Variants in KCNJ6 observed in about 807,000 individuals in gnomAD.
KCNJ6 encodes potassium inwardly rectifying channel subfamily J member 6, also known as G protein-activated inward rectifier potassium channel 2.
Under a neutral mutation model 34.2 loss-of-function variants are expected in KCNJ6, and 9 were observed. The observed-to-expected ratio is 0.26, with a 90% confidence interval of 0.16 to 0.46. KCNJ6 has a LOEUF of 0.46. Among genes scored for constraint, KCNJ6 ranks in the 20% least tolerant of loss-of-function variants. The pLI, the probability that KCNJ6 is intolerant of heterozygous loss-of-function variation, is 1.00. For missense variants in KCNJ6, 236 were observed against 531.3 expected (o/e 0.44, Z 5.46); for synonymous variants, 196 against 207.1 (o/e 0.95, Z 0.46).
intron 3 of KCNJ6, among the ~76,000 whole-genome samples, chr21:37,671,357 T>G (rs2054541465): frequency 6.6e-6 from 1 of 152,230 alleles, no homozygotes; most frequent in African/African-American, 2.4e-5. Flanking sequence ...AACACATGGA[T>G]GTTCCTGGAA....
chr21:37,773,346 C>T (rs1055448411), intron 2 of KCNJ6, among the ~76,000 whole-genome samples: 1 of 152,186 alleles, frequency 6.6e-6, no homozygotes, highest in African/African-American at 2.4e-5. Flanking sequence ...ACTTCCTTGT[C>T]TTCATTTTCA....
intron 2 of KCNJ6, among the ~76,000 whole-genome samples, chr21:37,788,855 G>A (rs2835961): frequency 0.5 from 75,430 of 151,956 alleles, 19,133 homozygotes; most frequent in Middle Eastern, 0.55. Context: ...TGACTATTGA[G>A]TGACTCATTT....
chr21:37,782,363 C>A (rs983273441), intron 2 of KCNJ6, among the ~76,000 whole-genome samples: 2 of 152,202 alleles, frequency 1.3e-5, no homozygotes, highest in African/African-American at 4.8e-5. Context: ...TTTGTTATAG[C>A]ATCAGCAGGA....
chr21:37,722,618 T>A (rs1033177174), intron 2 of KCNJ6, among the ~76,000 whole-genome samples: 1 of 152,054 alleles, frequency 6.6e-6, no homozygotes, highest in African/African-American at 2.4e-5. Flanking sequence ...AACAGAGAAC[T>A]CAGCAATAAA....
At chr21:37,867,838 G>A (rs2055630675) in intron 1 of KCNJ6, among the ~76,000 whole-genome samples, 1 of 152,226 alleles carries the variant, frequency 6.6e-6, no homozygotes, top group African/African-American at 2.4e-5. Context: ...CCAAGGTCAT[G>A]ATCTCTGAGA....
At chr21:37,750,054 G>A (rs1008637396) in intron 2 of KCNJ6, among the ~76,000 whole-genome samples, 6 of 152,186 alleles carry the variant, frequency 3.9e-5, no homozygotes, top group African/African-American at 1.4e-4. Context: ...AAAAATGCTT[G>A]CTGCTTTTTT....
intron 2 of KCNJ6, among the ~76,000 whole-genome samples, chr21:37,735,167 A>G (rs1358065085): frequency 6.6e-6 from 1 of 152,144 alleles, no homozygotes; most frequent in Non-Finnish European, 1.5e-5. Context: ...ACCAGCAACA[A>G]GCAAAAAGGA....
chr21:37,612,974 A>G lies in KCNJ6; in HGVS notation c.*12185T>C, dbSNP rs2054248190. The stretch of plus-strand genomic sequence containing the variant: ...GTAAAATTAAAAGCGTCTGCTCTGA[A>G]AAAGACAAGGTCAAGATAATGAGAA... On this transcript the variant is annotated 3_prime_UTR_variant, in exon 4 of 4. Transcript: ENST00000609713. The G allele has an allele frequency of 6.6e-6, 1 of 152,206 alleles. No individual in the cohort carries two copies. The highest frequency in any genetic ancestry group is 2.1e-4 in the South Asian group (1 of 4,830). The allele number at this position is 152,206 out of a possible 1,614,324, so 9.4% of individuals were successfully genotyped here.
intron 1 of KCNJ6, among the ~76,000 whole-genome samples, chr21:37,841,161 T>C (rs1294583837): frequency 1.3e-5 from 2 of 152,182 alleles, no homozygotes; most frequent in Admixed American, 1.3e-4. Context: ...GTCTTAGTTT[T>C]TTGGGTTCCT....
At chr21:37,713,340 A>G (rs1217738800) in intron 3 of KCNJ6, among the ~76,000 whole-genome samples, 1 of 152,138 alleles carries the variant, frequency 6.6e-6, no homozygotes, top group African/African-American at 2.4e-5. Context: ...TCAAAGAACA[A>G]TAAAGACCTT....
intron 3 of KCNJ6, among the ~76,000 whole-genome samples, chr21:37,667,526 G>T (rs2054521158): frequency 6.6e-6 from 1 of 151,748 alleles, no homozygotes; most frequent in Non-Finnish European, 1.5e-5. Context: ...TGGGCGCCGG[G>T]GTAGCGGGGT....
chr21:37,652,062 G>C (rs572448881), intron 3 of KCNJ6, among the ~76,000 whole-genome samples: 1 of 152,198 alleles, frequency 6.6e-6, no homozygotes, highest in African/African-American at 2.4e-5. Context: ...GAGTGAGGGG[G>C]GAAAAGAGAT....
rs760160770 is a variant in KCNJ6 at position 37,675,827 on chromosome 21, C to G, written c.946+38384G>C. On this transcript the variant is annotated intron_variant, in intron 3 of 3. Transcript: ENST00000609713. The surrounding 1 kb of genome is among the most constrained non-coding windows in gnomAD (Gnocchi z 4.2). ...AATTCCTATGCTAGAGTTACCTTAA[C>G]GGCAAGCCAGACCCCTGACCCCAAC... Among the ~76,000 whole-genome samples the G allele has an allele frequency of 2.0e-5, 3 of 150,718 alleles. No homozygotes were observed. The highest frequency in any genetic ancestry group is 3.0e-5 in the Non-Finnish European group (2 of 67,662).
chr21:37,766,775 C>T (rs944747203), intron 2 of KCNJ6, among the ~76,000 whole-genome samples: 1 of 152,280 alleles, frequency 6.6e-6, no homozygotes, highest in African/African-American at 2.4e-5. Context: ...GGCCACACAG[C>T]AGGAGGTGAG....
chr21:37,854,242 A>G (rs970037201), intron 1 of KCNJ6, among the ~76,000 whole-genome samples: 8 of 152,234 alleles, frequency 5.3e-5, no homozygotes, highest in East Asian at 3.9e-4. Context: ...AGATGGAAAA[A>G]GATGTACCAC....
rs954200417 is a variant in KCNJ6 at position 37,616,543 on chromosome 21, A to G, written c.*8616T>C. 7.1e-6 allele frequency: 1 copy of G among 141,820 alleles called. No homozygotes were observed. The highest frequency in any genetic ancestry group is 1.5e-5 in the Non-Finnish European group (1 of 65,324). 8.8% of individuals were successfully genotyped at this position (141,820 alleles called of 1,614,324 possible). A position where few individuals can be genotyped will look rare whatever the true frequency, so the allele number is the denominator to read the frequency against. On this transcript the variant is annotated 3_prime_UTR_variant, in exon 4 of 4. Coordinates refer to ENST00000609713, the MANE Select transcript of KCNJ6 (RefSeq NM_002240.5). Reference sequence around the variant, plus strand: ...GCTGAGACCATGTATACGCCCAACCATCACTCATAGACTCTCTGGGCAATT... The same window carrying G: ...GCTGAGACCATGTATACGCCCAACCGTCACTCATAGACTCTCTGGGCAATT...
chr21:37,818,993 A>G (rs560137151), intron 2 of KCNJ6, among the ~76,000 whole-genome samples: 4 of 152,340 alleles, frequency 2.6e-5, no homozygotes, highest in African/African-American at 9.6e-5. Flanking sequence ...TCAAGCCACA[A>G]GTATTTTCCA....
chr21:37,895,459 T>G (rs1314670271), intron 1 of KCNJ6, among the ~76,000 whole-genome samples: 1 of 152,230 alleles, frequency 6.6e-6, no homozygotes, highest in Non-Finnish European at 1.5e-5. Flanking sequence ...GATGACATCC[T>G]TGCTTTAGTA....
intron 2 of KCNJ6, among the ~76,000 whole-genome samples, chr21:37,754,571 T>G (rs1481844590): frequency 1.3e-5 from 2 of 152,222 alleles, no homozygotes; most frequent in Non-Finnish European, 1.5e-5. Flanking sequence ...TGGCTCTAGC[T>G]GATCCGGGAC....
Sources: allele counts gnomAD v4.1 joint callset (sites outside exome capture counted in the v4.1 genomes callset), GRCh38; gene constraint gnomAD v4.1.1; non-coding constraint Gnocchi (gnomAD v3.1); transcripts MANE v1.5; gene names NCBI Gene and HGNC (gene_info 2026-07-23, HGNC 2026-07-21).